Variants in BHLHE41 observed in about 807,000 individuals in gnomAD.
BHLHE41 encodes class E basic helix-loop-helix protein 41.
BHLHE41 carries 14 observed loss-of-function variants against 24.0 expected under a neutral mutation model. The ratio of observed to expected loss-of-function variants is 0.58; its 90% CI spans 0.39 to 0.91. BHLHE41 has a LOEUF of 0.91. Among genes scored for constraint, BHLHE41 ranks in the 40% least tolerant of loss-of-function variants. The pLI, the probability that BHLHE41 is intolerant of heterozygous loss-of-function variation, is 0.00. For synonymous variants in BHLHE41, 394 were observed against 315.5 expected (o/e 1.25, Z -2.64); for missense variants, 674 against 655.4 (o/e 1.03, Z -0.31).
Position 26,122,896 on chromosome 12 carries a change from C to T in BHLHE41, c.619G>A (p.Ala207Thr). 1 of 1,550,208 alleles carries T rather than the reference C, an allele frequency of 6.5e-7. No homozygotes were observed. The highest frequency in any genetic ancestry group is 8.7e-7 in the Non-Finnish European group (1 of 1,147,108). Residue 207 changes from alanine to threonine, a missense_variant, in exon 5 of 5, where the codon GCG becomes ACG. This residue lies in a region of BHLHE41 where 602 missense variants were observed against 570.8 expected (regional missense o/e 1.05). Transcript: ENST00000242728. Reference sequence around the variant, plus strand: ...GCGAGGGGCTCCAGCTTCTGCCCCGCGCGCTCCAGGCAGGGGGCGGCCGCG... The same window carrying T: ...GCGAGGGGCTCCAGCTTCTGCCCCGTGCGCTCCAGGCAGGGGGCGGCCGCG... ...GSAAAPCLER[A>T]GQKLEPLAYC...
In BHLHE41 at chr12:26,121,866, T is replaced by C. The variant is rs993222974; in HGVS notation, c.*200A>G. 6.6e-6 allele frequency: 9 copies of C among 1,369,122 alleles called. No homozygotes were observed. The African/African-American group carries it at 1.3e-4, about 20-fold the overall frequency. The allele number at this position is 1,369,122 out of a possible 1,614,324, so 84.8% of individuals were successfully genotyped here. On this transcript the variant is annotated 3_prime_UTR_variant, in exon 5 of 5. Transcript: ENST00000242728. Reference sequence around the variant, plus strand: ...TGTTAGTGTGTGGAGGGTGGGGTGGTGCGGGATGAGCAAAACAGGAACTCC... The same window carrying C: ...TGTTAGTGTGTGGAGGGTGGGGTGGCGCGGGATGAGCAAAACAGGAACTCC...
rs1482823359 is a variant in BHLHE41, at chr12:26,122,987, G to A, written c.528C>T (p.Thr176=). 1 of 1,566,010 alleles carries A rather than the reference G, an allele frequency of 6.4e-7. No individual in the cohort carries two copies. The highest frequency in any genetic ancestry group is 1.9e-5 in the Admixed American group (1 of 53,006). Reference sequence around the variant, plus strand: ...GGACCTGTTGAGTCAACAGCTGCGGGGTGGGCAAGAACTGGGTGGCCACGG... The same window carrying A: ...GGACCTGTTGAGTCAACAGCTGCGGAGTGGGCAAGAACTGGGTGGCCACGG... The part of the protein sequence containing the change: ...LHAVATQFLP[T]PQLLTQQVPL... The change falls in exon 5 of 5, where the codon ACC becomes ACT. Residue 176 remains threonine (T), a synonymous_variant. Transcript: ENST00000242728.
chr12:26,123,868 T>C (rs1944337240), intron 3 of BHLHE41, 127 bp from the exon 4 acceptor site: 1 of 798,718 alleles, frequency 1.3e-6, no homozygotes, highest in South Asian at 1.4e-5. Flanking sequence ...TTTTACTTCT[T>C]GAGCTTTCCA....
chr12:26,124,544 C>G lies in BHLHE41; in HGVS notation c.101G>C (p.Arg34Thr). 1 of 1,614,134 alleles carries G rather than the reference C, an allele frequency of 6.2e-7. No homozygotes were observed. Among genetic ancestry groups the G allele is most frequent in the South Asian group, 1.1e-5 (1 of 91,074 alleles). Reference protein sequence around the residue: ...YSSLYMCKPKRSMKRDDTKDT... With the variant: ...YSSLYMCKPKTSMKRDDTKDT... ...CTTGGTGTCGTCTCGTTTCATGCTC[C>G]TTTTGGGTTTACACATATACAAAGA... Residue 34 changes from arginine to threonine, a missense_variant, in exon 2 of 5, where the codon AGG becomes ACG. Transcript: ENST00000242728.
Position 26,122,455 on chromosome 12 carries a change from G to T in BHLHE41, c.1060C>A (p.Leu354Ile). The part of the protein sequence containing the change: ...AAPFCLPFCF[L>I]SPSAAAAYVQ... ...TAGGCGGCAGCTGCAGAAGGCGAGA[G>T]GAAGCAGAAGGGCAGGCAGAAGGGG... The change falls in exon 5 of 5, where the codon CTC becomes ATC. Residue 354 changes from leucine (L) to isoleucine (I), a missense_variant. Physicochemically the swap from Leu to Ile is conservative, Grantham distance 5. Transcript: ENST00000242728. 7.4e-7 allele frequency: 1 copy of T among 1,356,994 alleles called. No homozygotes were observed. The highest frequency in any genetic ancestry group is 9.6e-7 in the Non-Finnish European group (1 of 1,045,018). The allele number at this position is 1,356,994 out of a possible 1,614,324, so 84.1% of individuals were successfully genotyped here. A position where few individuals can be genotyped will look rare whatever the true frequency, so the allele number is the denominator to read the frequency against.
Position 26,122,864 on chromosome 12 carries a change from G to A in BHLHE41, c.651C>T (p.Cys217=), listed in dbSNP as rs534490998. The change falls in exon 5 of 5, where the codon TGC becomes TGT. Residue 217 remains cysteine (C), a synonymous_variant. Transcript: ENST00000242728. ...GCTGAGTCCGCTGGATGACGGGCAC[G>A]CAGTAGGCGAGGGGCTCCAGCTTCT... ...AGQKLEPLAY[C]VPVIQRTQPS... 2.6e-6 allele frequency: 4 copies of A among 1,563,540 alleles called. No individual in the cohort carries two copies. Among genetic ancestry groups the A allele is most frequent in the East Asian group, 2.4e-5 (1 of 41,916 alleles).
In BHLHE41 at chr12:26,122,557, C is replaced by T. The variant is rs1944319883; in HGVS notation, c.958G>A (p.Ala320Thr). 6 of 1,171,528 alleles carry T rather than the reference C, an allele frequency of 5.1e-6. No homozygotes were observed. The highest frequency in any genetic ancestry group is 4.3e-5 in the East Asian group (1 of 23,476). 72.6% of individuals were successfully genotyped at this position (1,171,528 alleles called of 1,614,324 possible). ...GCCACCAGCGAGCTGAGCAGGGCGGCGTCGGGTCTCAGCAGCGCGGCCGCG... is the reference window on the plus strand; with the variant it reads ...GCCACCAGCGAGCTGAGCAGGGCGGTGTCGGGTCTCAGCAGCGCGGCCGCG... ...AAAAALLRPD[A>T]ALLSSLVAFG... Residue 320 changes from alanine to threonine, a missense_variant, in exon 5 of 5, where the codon GCC (alanine) becomes ACC (threonine). By Grantham distance (58) the Ala-to-Thr change is moderately conservative. Around this residue, in one of 3 missense-constraint regions of BHLHE41, gnomAD observed 602 missense variants for 570.8 expected, o/e 1.05. Coordinates refer to ENST00000242728, the MANE Select transcript of BHLHE41 (RefSeq NM_030762.3).
At chr12:26,124,607 G>T (rs1944346525) in intron 1 of BHLHE41, 25 bp from the exon 2 acceptor site, 1 of 1,613,764 alleles carries the variant, frequency 6.2e-7, no homozygotes, top group African/African-American at 1.3e-5. Flanking sequence ...TCAGCATCAG[G>T]CACCCATTCG....
Position 26,121,654 on chromosome 12 carries a change from C to T in BHLHE41, c.*412G>A. The T allele has an allele frequency of 5.1e-6, 1 of 196,870 alleles. No individual in the cohort carries two copies. Among genetic ancestry groups the T allele is most frequent in the Non-Finnish European group, 1.1e-5 (1 of 94,786 alleles). The allele number at this position is 196,870 out of a possible 1,614,324, so 12.2% of individuals were successfully genotyped here. A position where few individuals can be genotyped will look rare whatever the true frequency, so the allele number is the denominator to read the frequency against. On this transcript the variant is annotated 3_prime_UTR_variant, in exon 5 of 5. Transcript: ENST00000242728. ...ACGTCAAAGGTGTTAACATCTTTCC[C>T]CTACCCCGGGGTTCACCTAGCTCAG...
In BHLHE41 at chr12:26,120,733, T is replaced by C. The variant is rs965280837; in HGVS notation, c.*1333A>G. Reference sequence around the variant, plus strand: ...AAACTGACGAAAAGACCCAGATATTTTCCTCACTCATAGTCAGACTGTTGT... The same window carrying C: ...AAACTGACGAAAAGACCCAGATATTCTCCTCACTCATAGTCAGACTGTTGT... On this transcript the variant is annotated 3_prime_UTR_variant, in exon 5 of 5. Coordinates refer to ENST00000242728, the MANE Select transcript of BHLHE41 (RefSeq NM_030762.3). The C allele has an allele frequency of 6.6e-6, 1 of 152,658 alleles. No homozygotes were observed. The highest frequency in any genetic ancestry group is 2.4e-5 in the African/African-American group (1 of 41,450). 9.5% of individuals were successfully genotyped at this position (152,658 alleles called of 1,614,324 possible).
rs1944294213 is a variant in BHLHE41, at chr12:26,120,354, A to G, written c.*1712T>C. The G allele has an allele frequency of 6.5e-6, 1 of 152,696 alleles. No homozygotes were observed. The highest frequency in any genetic ancestry group is 2.4e-5 in the African/African-American group (1 of 41,468). 9.5% of individuals were successfully genotyped at this position (152,696 alleles called of 1,614,324 possible). A position where few individuals can be genotyped will look rare whatever the true frequency, so the allele number is the denominator to read the frequency against. On this transcript the variant is annotated 3_prime_UTR_variant, in exon 5 of 5. Coordinates refer to ENST00000242728, the MANE Select transcript of BHLHE41 (RefSeq NM_030762.3). The stretch of plus-strand genomic sequence containing the variant: ...ATAGAATTTATGGAGTGCTGAAAAT[A>G]CTAGAATATAAAGGTAATTTCTAGT...
In BHLHE41 at chr12:26,122,173, G is replaced by A; in HGVS notation, c.1342C>T (p.His448Tyr). Residue 448 changes from histidine (H) to tyrosine (Y), a missense_variant, in exon 5 of 5, where the codon CAC (histidine) becomes TAC (tyrosine). By Grantham distance (83) the His-to-Tyr change is moderately conservative (BLOSUM62 2). This residue lies in a region of BHLHE41 where 602 missense variants were observed against 570.8 expected (regional missense o/e 1.05). Coordinates refer to ENST00000242728, the MANE Select transcript of BHLHE41 (RefSeq NM_030762.3). The stretch of plus-strand genomic sequence containing the variant: ...GGCAGGTGGGTGCGGCCGTGCGGGT[G>A]CTGGGGGTGCGGCGCCCCAAGGGGC... Reference protein sequence around the residue: ...VAPLGAPHPQHPHGRTHLPFA... With the variant: ...VAPLGAPHPQYPHGRTHLPFA... 6.6e-7 allele frequency: 1 copy of A among 1,508,022 alleles called. No homozygotes were observed. Among genetic ancestry groups the A allele is most frequent in the Non-Finnish European group, 8.9e-7 (1 of 1,127,856 alleles). 93.4% of individuals were successfully genotyped at this position (1,508,022 alleles called of 1,614,324 possible). A position where few individuals can be genotyped will look rare whatever the true frequency, so the allele number is the denominator to read the frequency against.
rs778562866 is a variant in BHLHE41 at position 26,124,958 on chromosome 12, GCA to G, written c.-181_-180del. 38 of 690,246 alleles carry G rather than the reference GCA, an allele frequency of 5.5e-5. No individual in the cohort carries two copies. The highest frequency in any genetic ancestry group is 3.0e-4 in the South Asian group (19 of 63,900). The allele number at this position is 690,246 out of a possible 1,614,324, so 42.8% of individuals were successfully genotyped here. On this transcript the variant is annotated 5_prime_UTR_variant, in exon 1 of 5. Coordinates refer to ENST00000242728, the MANE Select transcript of BHLHE41 (RefSeq NM_030762.3). ...TTGGTCCCCCCCCTCCACCGCGCTC[GCA>G]CACACACACGCACACACACGCACAC...
chr12:26,124,747 T>G lies in BHLHE41; in HGVS notation c.33A>C (p.Arg11Ser). The G allele has an allele frequency of 6.2e-7, 1 of 1,614,204 alleles. No individual in the cohort carries two copies. The highest frequency in any genetic ancestry group is 8.5e-7 in the Non-Finnish European group (1 of 1,180,024). The part of the protein sequence containing the change: MDEGIPHLQE[R>S]QLLEHRDFIG... Reference sequence around the variant, plus strand: ...TAAAATCTCTATGTTCCAGTAACTGTCTCTCTTGCAAATGAGGAATTCCTT... The same window carrying G: ...TAAAATCTCTATGTTCCAGTAACTGGCTCTCTTGCAAATGAGGAATTCCTT... Residue 11 changes from arginine (R) to serine (S), a missense_variant, in exon 1 of 5, where the codon AGA (arginine) becomes AGC (serine). Transcript: ENST00000242728.
rs1451204835 is a variant in BHLHE41, at chr12:26,121,778, T to TA, written c.*287dup. 9.5e-5 allele frequency: 50 copies of TA among 526,046 alleles called. No individual in the cohort carries two copies. The highest frequency in any genetic ancestry group is 6.4e-4 in the Middle Eastern group (1 of 1,560). The allele number at this position is 526,046 out of a possible 1,614,324, so 32.6% of individuals were successfully genotyped here. A position where few individuals can be genotyped will look rare whatever the true frequency, so the allele number is the denominator to read the frequency against. ...AGGGGGCAAAATTTATTTGGGGGAT[T>TA]AAAAAAAAGAGCCAGTGTCTTTCGC... On this transcript the variant is annotated 3_prime_UTR_variant, in exon 5 of 5. Transcript: ENST00000242728.
rs768071227 is a variant in BHLHE41, at chr12:26,123,173, G to A, written c.347-5C>T. The A allele has an allele frequency of 1.9e-6, 3 of 1,582,358 alleles. No individual in the cohort carries two copies. Among genetic ancestry groups the A allele is most frequent in the Non-Finnish European group, 1.7e-6 (2 of 1,160,048 alleles). ...GCGATTTCAGAGATCGCTCCCCTAG[G>A]ATGAGGAAGGGATGGGGGTGGGGGA... On this transcript the variant is annotated splice_polypyrimidine_tract_variant and splice_region_variant and intron_variant, in intron 4 of 4. Transcript: ENST00000242728.
chr12:26,124,956 T>TCGCACACACACA lies in BHLHE41; in HGVS notation c.-189_-178dup, dbSNP rs948485911. 6 of 696,454 alleles carry TCGCACACACACA rather than the reference T, an allele frequency of 8.6e-6. No individual in the cohort carries two copies. In the East Asian group the frequency reaches 1.1e-4, roughly 13 times the overall value. 43.1% of individuals were successfully genotyped at this position (696,454 alleles called of 1,614,324 possible). On this transcript the variant is annotated 5_prime_UTR_variant, in exon 1 of 5. Transcript: ENST00000242728. ...AGTTGGTCCCCCCCCTCCACCGCGC[T>TCGCACACACACA]CGCACACACACACGCACACACACGC... is the stretch of plus-strand genomic sequence containing the variant.
intron 2 of BHLHE41, 49 bp from the exon 3 acceptor site, chr12:26,124,228 C>T (rs1195856335): frequency 1.6e-6 from 2 of 1,243,138 alleles, no homozygotes; most frequent in Non-Finnish European, 2.3e-6. Context: ...GCGAAACATT[C>T]ACTTATTGGA....
At chr12:26,124,650 A>G in intron 1 of BHLHE41, 68 bp from the exon 2 acceptor site, 6 of 1,611,638 alleles carry the variant, frequency 3.7e-6, no homozygotes, top group Non-Finnish European at 4.2e-6. Flanking sequence ...GCTCCATACC[A>G]CTTTCTGGAG....
Sources: gnomAD v4.1 joint callset for allele counts on GRCh38, gnomAD v4.1.1 for gene constraint, gnomAD v4.1.1 regional missense constraint, MANE v1.5 for transcripts, NCBI Gene and HGNC (gene_info 2026-07-23, HGNC 2026-07-21) for gene names.